The following ITGB5 variants were observed in gnomAD, a reference collection of about 807,000 sequenced individuals.
The protein encoded by ITGB5 is integrin beta-5.
In ITGB5, 38 loss-of-function variants were observed where a neutral mutation model predicts 84.8. That is an observed-to-expected ratio of 0.45 (90% CI 0.35 to 0.59). The LOEUF is 0.59. Among genes scored for constraint, ITGB5 ranks in the 20% least tolerant of loss-of-function variants. The pLI is 0.01. For synonymous variants in ITGB5, 393 were observed against 414.4 expected, an observed-to-expected ratio of 0.95 and a Z score of 0.63; for missense variants, 905 against 1,034.5, an observed-to-expected ratio of 0.87 and a Z score of 1.72.
At chr3:124,798,386 G>C (rs1396956852) in intron 9 of ITGB5, among the ~76,000 whole-genome samples, 4 of 151,674 alleles carry the variant, frequency 2.6e-5, no homozygotes, top group Non-Finnish European at 4.4e-5. Flanking sequence ...TCATTCACTT[G>C]ATTTACTGGA....
intron 1 of ITGB5, among the ~76,000 whole-genome samples, chr3:124,874,063 T>A (rs200756400): frequency 4.4e-4 from 62 of 142,390 alleles, no homozygotes; most frequent in Non-Finnish European, 6.0e-4. Context: ...ATAGGTCAAA[T>A]AAAAAAAAAA....
intron 13 of ITGB5, 82 bp downstream of exon 13, chr3:124,766,144 G>A: frequency 7.0e-7 from 1 of 1,431,336 alleles, no homozygotes; most frequent in Non-Finnish European, 9.6e-7. Flanking sequence ...AGAAAGGGCA[G>A]TGGTCCCAGA....
intron 5 of ITGB5, among the ~76,000 whole-genome samples, chr3:124,836,468 A>C (rs538732452): frequency 1.3e-5 from 2 of 152,302 alleles, no homozygotes; most frequent in African/African-American, 2.4e-5. Context: ...AAAAGAAAAA[A>C]AAATTGTTTT....
intron 5 of ITGB5, among the ~76,000 whole-genome samples, chr3:124,830,036 G>A (rs1336613060): frequency 6.6e-6 from 1 of 152,196 alleles, no homozygotes; most frequent in East Asian, 1.9e-4. Flanking sequence ...AGACTCGCTG[G>A]CTTGTTCACT....
At chr3:124,828,590 G>A (rs2064817392) in intron 5 of ITGB5, among the ~76,000 whole-genome samples, 1 of 152,212 alleles carries the variant, frequency 6.6e-6, no homozygotes, top group Non-Finnish European at 1.5e-5. Flanking sequence ...TTGTTACCTT[G>A]ATCGCAGAGT....
chr3:124,852,107 C>T (rs1160775273), intron 3 of ITGB5, among the ~76,000 whole-genome samples: 5 of 152,154 alleles, frequency 3.3e-5, no homozygotes, highest in Admixed American at 6.5e-5. Flanking sequence ...TAAAAACACC[C>T]GAGACTTTAA....
chr3:124,838,511 G>A (rs534186093), intron 5 of ITGB5, among the ~76,000 whole-genome samples: 2 of 152,254 alleles, frequency 1.3e-5, no homozygotes, highest in African/African-American at 2.4e-5. Context: ...TCTTCCCTAA[G>A]GACAATTTTT....
chr3:124,892,202 C>G (rs1935015551), upstream of ITGB5, among the ~76,000 whole-genome samples: 1 of 151,906 alleles, frequency 6.6e-6, no homozygotes, highest in African/African-American at 2.4e-5. Flanking sequence ...TAAATACTTT[C>G]AGTTTGGTCT....
At chr3:124,821,913 T>C (rs2064710747) in intron 5 of ITGB5, among the ~76,000 whole-genome samples, 2 of 150,590 alleles carry the variant, frequency 1.3e-5, no homozygotes, top group East Asian at 3.9e-4. Flanking sequence ...AAGATGATGG[T>C]TAAGATTGTT....
chr3:124,866,819 C>T (rs2065398396), intron 2 of ITGB5, among the ~76,000 whole-genome samples: 1 of 152,178 alleles, frequency 6.6e-6, no homozygotes, highest in African/African-American at 2.4e-5. Flanking sequence ...GTGCCAGCAA[C>T]ACACTGCCAC....
intron 5 of ITGB5, among the ~76,000 whole-genome samples, chr3:124,826,865 T>C (rs2064790852): frequency 6.6e-6 from 1 of 152,230 alleles, no homozygotes; most frequent in African/African-American, 2.4e-5. Flanking sequence ...GTTATGTAAA[T>C]GGTGTTAACA....
chr3:124,776,521 T>C (rs1367724390), intron 10 of ITGB5, among the ~76,000 whole-genome samples: 2 of 152,184 alleles, frequency 1.3e-5, no homozygotes, highest in Admixed American at 1.3e-4. Flanking sequence ...AGATCCTACC[T>C]TCACATGTGA....
intron 3 of ITGB5, among the ~76,000 whole-genome samples, chr3:124,849,594 A>C (rs1263285303): frequency 6.6e-6 from 1 of 152,218 alleles, no homozygotes; most frequent in African/African-American, 2.4e-5. Context: ...AGCTCTATCG[A>C]AAAAAGAAAA....
At chr3:124,830,055 C>G (rs148178595) in intron 5 of ITGB5, among the ~76,000 whole-genome samples, 1 of 152,238 alleles carries the variant, frequency 6.6e-6, no homozygotes, top group African/African-American at 2.4e-5. Flanking sequence ...CTTCCAACAT[C>G]TGGCCCCAGA....
chr3:124,770,658 C>G (rs573638660), intron 11 of ITGB5, among the ~76,000 whole-genome samples: 4 of 152,190 alleles, frequency 2.6e-5, no homozygotes, highest in Non-Finnish European at 4.4e-5. Context: ...GGTGCCCCAC[C>G]TCTCAGACTA....
At chr3:124,865,653 A>C (rs1168715891) in intron 2 of ITGB5, among the ~76,000 whole-genome samples, 1 of 150,634 alleles carries the variant, frequency 6.6e-6, no homozygotes, top group Non-Finnish European at 1.5e-5. Context: ...CATCCCACTG[A>C]TTTTTTACTT....
intron 12 of ITGB5, among the ~76,000 whole-genome samples, chr3:124,768,401 G>A (rs1041350856): frequency 6.6e-6 from 1 of 152,180 alleles, no homozygotes; most frequent in African/African-American, 2.4e-5. Context: ...CCTGTTAGTA[G>A]TCAATGCCAA....
intron 5 of ITGB5, among the ~76,000 whole-genome samples, chr3:124,828,403 G>A (rs1471498164): frequency 1.3e-5 from 2 of 152,102 alleles, no homozygotes; most frequent in Non-Finnish European, 2.9e-5. Flanking sequence ...AACTGCTAAG[G>A]GAAATAAGGC....
chr3:124,827,171 A>C (rs1028704218), intron 5 of ITGB5, among the ~76,000 whole-genome samples: 2 of 152,204 alleles, frequency 1.3e-5, no homozygotes, highest in Non-Finnish European at 2.9e-5. Context: ...GCCAGAGTAC[A>C]TCAGCTTTGG....
Sources: gnomAD v4.1 joint callset for allele counts (sites outside exome capture counted in the v4.1 genomes callset) on GRCh38, gnomAD v4.1.1 for gene constraint, MANE v1.5 for transcripts, NCBI Gene and HGNC (gene_info 2026-07-23, HGNC 2026-07-21) for gene names.